The following RBFOX1 variants were observed in gnomAD, a reference collection of about 807,000 sequenced individuals.
The protein encoded by RBFOX1 is RNA binding protein fox-1 homolog 1.
In RBFOX1, 8 loss-of-function variants were observed where a neutral mutation model predicts 57.7. The ratio of observed to expected loss-of-function variants is 0.14; its 90% CI spans 0.08 to 0.25. The LOEUF (loss-of-function observed/expected upper bound fraction) is 0.25. Ranked by LOEUF, RBFOX1 falls within the 10% of genes least tolerant of loss-of-function variation. RBFOX1 has a pLI of 1.00. For missense variants in RBFOX1, 611 were observed against 548.5 expected (o/e 1.11, Z -1.14); for synonymous variants, 326 against 222.4 (o/e 1.47, Z -4.15).
At chr16:6,392,876 T>C (rs571191183) in intron 2 of RBFOX1, among the ~76,000 whole-genome samples, 1 of 152,366 alleles carries the variant, frequency 6.6e-6, no homozygotes, top group Admixed American at 6.5e-5. Context: ...GGCCATATTT[T>C]TATCAGACGC....
chr16:6,702,933 C>T (rs1568281300), intron 3 of RBFOX1, among the ~76,000 whole-genome samples: 1 of 152,166 alleles, frequency 6.6e-6, no homozygotes, highest in Admixed American at 6.5e-5. Context: ...ATTCTCATGT[C>T]CTCCCAGCCT....
intron 2 of RBFOX1, among the ~76,000 whole-genome samples, chr16:6,465,796 GA>G (rs1300033725): frequency 6.6e-6 from 1 of 150,680 alleles, no homozygotes; most frequent in Non-Finnish European, 1.5e-5. Flanking sequence ...CAGGACAAAA[GA>G]AATGCTAACT....
At chr16:7,255,111 C>G (rs548327826) in intron 4 of RBFOX1, among the ~76,000 whole-genome samples, 1 of 152,094 alleles carries the variant, frequency 6.6e-6, no homozygotes, top group African/African-American at 2.4e-5. Context: ...CCCAATGTGC[C>G]AAAAATAACC....
chr16:6,066,576 A>G (rs146130026), intron 1 of RBFOX1, among the ~76,000 whole-genome samples: 1 of 152,232 alleles, frequency 6.6e-6, no homozygotes, highest in African/African-American at 2.4e-5. Flanking sequence ...CATTATCTGG[A>G]AAAATGTACA....
At chr16:7,469,777 G>C (rs962497300) in intron 4 of RBFOX1, among the ~76,000 whole-genome samples, 1 of 152,058 alleles carries the variant, frequency 6.6e-6, no homozygotes, top group Non-Finnish European at 1.5e-5. Flanking sequence ...TACTACCATT[G>C]ATCTCCAGAA....
At chr16:5,425,684 TGCAGGG>T (rs2067537796) in intron 1 of RBFOX1, among the ~76,000 whole-genome samples, 1 of 152,160 alleles carries the variant, frequency 6.6e-6, no homozygotes, top group African/African-American at 2.4e-5. Context: ...GAAGGGGTGG[TGCAGGG>T]GCAGGGGAGA....
intron 4 of RBFOX1, among the ~76,000 whole-genome samples, chr16:7,441,051 A>G (rs554014045): frequency 3.3e-5 from 3 of 92,262 alleles, no homozygotes; most frequent in Admixed American, 2.7e-4. Context: ...AAAACCAAAG[A>G]AAAAAAAAAG....
chr16:7,041,486 G>A (rs528640650), intron 3 of RBFOX1, among the ~76,000 whole-genome samples: 1 of 152,124 alleles, frequency 6.6e-6, no homozygotes, highest in Non-Finnish European at 1.5e-5. Context: ...TTCTGGGTCT[G>A]TTCTGTGACA....
chr16:7,698,158 T>G lies in RBFOX1; in HGVS notation c.996-10898T>G, dbSNP rs572774314. Among the ~76,000 whole-genome samples, 3 of 149,656 alleles carry G rather than the reference T, an allele frequency of 2.0e-5. No homozygotes were observed. The East Asian group carries it at 6.0e-4, about 30-fold the overall frequency. On this transcript the variant is annotated intron_variant, in intron 14 of 15. Transcript: ENST00000550418. ...GAAAACCCCAGACAGGTTGAAACAGTTGTTTTAGACACAGAGTCCAAGAGG... is the reference window on the plus strand; with the variant it reads ...GAAAACCCCAGACAGGTTGAAACAGGTGTTTTAGACACAGAGTCCAAGAGG...
chr16:6,562,856 C>T (rs796424670), intron 2 of RBFOX1, among the ~76,000 whole-genome samples: 14 of 50,296 alleles, frequency 2.8e-4, no homozygotes, highest in African/African-American at 1.3e-3. Flanking sequence ...TTCTTTCTTT[C>T]TTTCTTTCTT....
At chr16:5,259,579 G>A (rs1596325174) in intron 1 of RBFOX1, among the ~76,000 whole-genome samples, 1 of 152,316 alleles carries the variant, frequency 6.6e-6, no homozygotes, top group Middle Eastern at 3.4e-3. Flanking sequence ...CAGTGGAACA[G>A]GTGCTGAATG....
intron 4 of RBFOX1, among the ~76,000 whole-genome samples, chr16:7,342,497 C>A (rs892877789): frequency 3.9e-5 from 6 of 152,196 alleles, no homozygotes; most frequent in Admixed American, 1.3e-4. Flanking sequence ...AACTGATTGC[C>A]AGCAGTGTTG....
At chr16:6,240,397 G>A (rs2152925038) in intron 1 of RBFOX1, among the ~76,000 whole-genome samples, 1 of 152,212 alleles carries the variant, frequency 6.6e-6, no homozygotes, top group East Asian at 1.9e-4. Flanking sequence ...ATGGTGTGTA[G>A]TGTGGGTGGG....
intron 3 of RBFOX1, among the ~76,000 whole-genome samples, chr16:6,835,880 C>T (rs969675072): frequency 2.6e-5 from 4 of 151,806 alleles, no homozygotes; most frequent in African/African-American, 7.3e-5. Flanking sequence ...TAGGTGGCTC[C>T]ACCTTTATGG....
chr16:6,727,293 G>A (rs151206592), intron 3 of RBFOX1, among the ~76,000 whole-genome samples: 170 of 151,530 alleles, frequency 1.1e-3, no homozygotes, highest in African/African-American at 3.7e-3. Flanking sequence ...TGCGTTTTTT[G>A]CCATTTCTTT....
intron 2 of RBFOX1, among the ~76,000 whole-genome samples, chr16:6,476,529 C>T (rs143163448): frequency 6.6e-6 from 1 of 152,206 alleles, no homozygotes; most frequent in Non-Finnish European, 1.5e-5. Context: ...AAACGACGTG[C>T]ATACCTTAAT....
intron 1 of RBFOX1, among the ~76,000 whole-genome samples, chr16:6,179,231 A>G (rs1412072853): frequency 2.0e-5 from 3 of 152,158 alleles, no homozygotes; most frequent in Non-Finnish European, 4.4e-5. Flanking sequence ...TTAACTATCC[A>G]ACGCCGAGGG....
rs1005013910 is a variant in RBFOX1, at chr16:7,613,376, G to A, written c.676+6038G>A. Among the ~76,000 whole-genome samples the A allele has an allele frequency of 2.0e-5, 3 of 152,172 alleles. No homozygotes were observed. The East Asian group carries it at 5.8e-4, about 29-fold the overall frequency. ...GGTTACAGGGGCGATCAGATAATAT[G>A]AGCATCAGAGAACATCACAGACTGT... On this transcript the variant is annotated intron_variant, in intron 10 of 15. Transcript: ENST00000550418.
intron 3 of RBFOX1, among the ~76,000 whole-genome samples, chr16:6,708,099 A>G (rs2063086668): frequency 6.6e-6 from 1 of 152,176 alleles, no homozygotes; most frequent in Non-Finnish European, 1.5e-5. Flanking sequence ...CACAGTGAAC[A>G]GTTGGCATCT....
Sources: gnomAD v4.1 joint callset for allele counts (sites outside exome capture counted in the v4.1 genomes callset) on GRCh38, gnomAD v4.1.1 for gene constraint, MANE v1.5 for transcripts, NCBI Gene and HGNC (gene_info 2026-07-23, HGNC 2026-07-21) for gene names.